Variants in MCF2 observed in about 807,000 individuals in gnomAD.
MCF2 encodes proto-oncogene DBL.
MCF2 carries 44 observed loss-of-function variants against 82.5 expected under a neutral mutation model. The observed-to-expected ratio is 0.53, with a 90% CI of 0.42 to 0.69. The LOEUF (loss-of-function observed/expected upper bound fraction) is 0.69, where lower values mean the gene tolerates loss of function less well. Ranked by LOEUF, MCF2 falls within the 30% of genes least tolerant of loss-of-function variation. The pLI is 0.00. For missense variants in MCF2, 623 were observed against 663.1 expected (o/e 0.94, Z 0.66); for synonymous variants, 217 against 224.9 (o/e 0.96, Z 0.32).
chrX:139,633,146 C>A (rs1291678546), intron 1 of MCF2, among the ~76,000 whole-genome samples: 1 of 111,368 alleles, frequency 9.0e-6, no homozygotes, highest in Admixed American at 9.6e-5. Flanking sequence ...TCAAAAAGAT[C>A]TTGAAGCATA....
chrX:139,645,227 C>T (rs1049627163), upstream of MCF2, among the ~76,000 whole-genome samples: 1 of 110,475 alleles, frequency 9.1e-6, no homozygotes, highest in East Asian at 2.8e-4. Context: ...TTTTCACATA[C>T]GAGTATGCAA....
chrX:139,607,586 C>T, intron 12 of MCF2, 105 bp downstream of exon 16: 1 of 504,625 alleles, frequency 2.0e-6, no homozygotes, highest in Non-Finnish European at 3.1e-6. Flanking sequence ...CCCAGTAAAA[C>T]CCCATTCTGT....
At chrX:139,621,830 A>G (rs1189225773) in intron 6 of MCF2, among the ~76,000 whole-genome samples, 1 of 111,723 alleles carries the variant, frequency 9.0e-6, no homozygotes, top group Admixed American at 9.5e-5. Flanking sequence ...CAAGGACTTC[A>G]TGTCTAAAAC....
intron 1 of MCF2, among the ~76,000 whole-genome samples, chrX:139,675,582 T>C (rs748971527): frequency 1.8e-5 from 2 of 112,349 alleles, no homozygotes; most frequent in African/African-American, 6.5e-5. Context: ...TCTGTTGGAG[T>C]TTGCTGGAGG....
At chrX:139,610,606 T>C (rs1478257484) in intron 10 of MCF2, among the ~76,000 whole-genome samples, 1 of 111,980 alleles carries the variant, frequency 8.9e-6, no homozygotes, top group Non-Finnish European at 1.9e-5. Flanking sequence ...TAGGTGTTAG[T>C]GCTCATAATT....
intron 1 of MCF2, among the ~76,000 whole-genome samples, chrX:139,663,621 C>A (rs1367302799): frequency 9.4e-6 from 1 of 105,902 alleles, no homozygotes; most frequent in Non-Finnish European, 1.9e-5. Flanking sequence ...CATCCTCCCA[C>A]TCAAGCTGAC....
At chrX:139,647,524 C>T (rs764230618), upstream of MCF2, among the ~76,000 whole-genome samples, 8 of 111,470 alleles carry the variant, frequency 7.2e-5, no homozygotes, top group Non-Finnish European at 1.1e-4. Context: ...GGAAGCTCCC[C>T]GCAGACCCAT....
In MCF2 at chrX:139,688,246, C is replaced by T. The variant is rs189948949; in HGVS notation, c.-45+19860G>A. On this transcript the variant is annotated intron_variant, in intron 1 of 27. Transcript: ENST00000414978. ...ATACAGCACATTGAAAGAACTAATG[C>T]TATTATAAGGACAATCTTAACCCAT... is the stretch of plus-strand genomic sequence containing the variant. 4.5e-5 allele frequency among the ~76,000 whole-genome samples: 5 copies of T among 111,554 alleles called. No homozygotes were observed. The East Asian group carries it at 1.4e-3, about 31-fold the overall frequency.
intron 1 of MCF2, among the ~76,000 whole-genome samples, chrX:139,685,956 A>G (rs1019000150): frequency 9.0e-6 from 1 of 111,478 alleles, no homozygotes; most frequent in African/African-American, 3.3e-5. Context: ...GGTTCAAGAC[A>G]TGCAAATCAA....
At position 139,586,283 on chromosome X, in the gene MCF2, A is replaced by C. The variant is rs878913299; in HGVS notation, c.2632+95T>G. 7.5e-5 allele frequency: 47 copies of C among 626,862 alleles called. No individual in the cohort carries two copies. In the South Asian group the frequency reaches 1.1e-3, roughly 15 times the overall value. The allele number at this position is 626,862 out of a possible 1,213,427, so 51.7% of individuals were successfully genotyped here. On this transcript the variant is annotated intron_variant, in intron 23 of 24. Transcript: ENST00000370576. The stretch of plus-strand genomic sequence containing the variant: ...AATGGGTTAACTGTATTTTGTTTAT[A>C]CAAAAATACCAAGTGGGTAGATTTC...
chrX:139,634,700 A>G (rs1035719118), intron 1 of MCF2, among the ~76,000 whole-genome samples: 1 of 111,954 alleles, frequency 8.9e-6, no homozygotes, highest in Non-Finnish European at 1.9e-5. Flanking sequence ...CATCTGAGAA[A>G]CGACTCCCCC....
intron 1 of MCF2, among the ~76,000 whole-genome samples, chrX:139,682,083 GA>G (rs1458007163): frequency 9.0e-6 from 1 of 111,643 alleles, no homozygotes; most frequent in Non-Finnish European, 1.9e-5. Flanking sequence ...ACAGGAGTAA[GA>G]AGGGAGAAAT....
chrX:139,616,525 AACAT>A (rs1931922601), intron 8 of MCF2, 52 bp from the exon 12 acceptor site: 1 of 789,427 alleles, frequency 1.3e-6, no homozygotes, highest in East Asian at 3.5e-5. Flanking sequence ...ATAAAGAGAA[AACAT>A]ATTTGTCCAA....
chrX:139,691,971 A>G, intron 1 of MCF2: 1 of 1,166,604 alleles, frequency 8.6e-7, no homozygotes. Context: ...CTTCTCGGCA[A>G]TCCTCACGCG....
chrX:139,655,106 G>C (rs1416219280), intron 1 of MCF2, among the ~76,000 whole-genome samples: 2 of 111,731 alleles, frequency 1.8e-5, no homozygotes, highest in African/African-American at 6.5e-5. Context: ...TTTTGGTTAG[G>C]ACTGCTTTGG....
At chrX:139,700,391 T>C (rs1344242223) in intron 1 of MCF2, among the ~76,000 whole-genome samples, 2 of 112,029 alleles carry the variant, frequency 1.8e-5, no homozygotes, top group African/African-American at 3.2e-5. Context: ...AACAGCCTCA[T>C]CTGAGCCTCC....
intron 1 of MCF2, 59 bp from the exon 5 acceptor site, chrX:139,632,513 A>C (rs2148495001): frequency 1.0e-6 from 1 of 993,028 alleles, no homozygotes; most frequent in South Asian, 2.8e-5. Context: ...CACTCAACTG[A>C]GCACATATCA....
chrX:139,656,379 G>T (rs984461941), intron 1 of MCF2, among the ~76,000 whole-genome samples: 5 of 112,110 alleles, frequency 4.5e-5, no homozygotes, highest in Non-Finnish European at 7.5e-5. Context: ...GCTTTTTAAG[G>T]TACCCTACAT....
At chrX:139,608,256 T>C (rs948819939) in intron 11 of MCF2, among the ~76,000 whole-genome samples, 3 of 110,429 alleles carry the variant, frequency 2.7e-5, no homozygotes, top group Admixed American at 9.7e-5. Context: ...TTCCTAATGA[T>C]TCGATGGCAT....
Sources: allele counts gnomAD v4.1 joint callset (sites outside exome capture counted in the v4.1 genomes callset), GRCh38; gene constraint gnomAD v4.1.1; transcripts MANE v1.5; gene names NCBI Gene and HGNC (gene_info 2026-07-23, HGNC 2026-07-21).